The following RFX1 variants were observed in gnomAD, a reference collection of about 807,000 sequenced individuals.
The protein encoded by RFX1 is MHC class II regulatory factor RFX1.
Under a neutral mutation model 119.6 loss-of-function variants are expected in RFX1, and 42 were observed. The observed-to-expected ratio is 0.35, with a 90% CI of 0.27 to 0.45. The LOEUF (loss-of-function observed/expected upper bound fraction) is 0.45, where lower values mean the gene tolerates loss of function less well. Ranked by LOEUF, RFX1 falls within the 20% of genes least tolerant of loss-of-function variation. The pLI, the probability that RFX1 is intolerant of heterozygous loss-of-function variation, is 1.00. For missense variants in RFX1, 1,118 were observed against 1,368.1 expected (o/e 0.82, Z 2.88); for synonymous variants, 628 against 618.5 (o/e 1.02, Z -0.23).
chr19:13,978,637 C>A (rs1344432966), intron 7 of RFX1, among the ~76,000 whole-genome samples: 2 of 152,134 alleles, frequency 1.3e-5, no homozygotes, highest in African/African-American at 4.8e-5. Flanking sequence ...CCTAGACCGA[C>A]CCGTCGGGCG....
At chr19:13,964,427 T>C (rs1266610044) in intron 16 of RFX1, among the ~76,000 whole-genome samples, 1 of 148,756 alleles carries the variant, frequency 6.7e-6, no homozygotes, top group Non-Finnish European at 1.5e-5. Flanking sequence ...CAATAGATAA[T>C]ATGGAGGGCA....
At chr19:13,964,403 A>ATTTTTT (rs1362471691) in intron 16 of RFX1, among the ~76,000 whole-genome samples, 12 of 146,036 alleles carry the variant, frequency 8.2e-5, no homozygotes, top group African/African-American at 2.8e-4. Context: ...TTTTTTTTTA[A>ATTTTTT]AAACGAAAGA....
In RFX1 at chr19:13,987,662, C is replaced by A. The variant is rs1043328759; in HGVS notation, c.320-4067G>T. Among the ~76,000 whole-genome samples, 5 of 152,314 alleles carry A rather than the reference C, an allele frequency of 3.3e-5. No individual in the cohort carries two copies. The Middle Eastern group carries it at 0.01, about 311-fold the overall frequency. ...CTGCAAGGGGTGGGGGAGGGGACAG[C>A]TGGCAGGGCACAAGCCAACCTCCTC... On this transcript the variant is annotated intron_variant, in intron 2 of 20. Coordinates refer to ENST00000254325, the MANE Select transcript of RFX1 (RefSeq NM_002918.5).
chr19:14,004,995 C>T (rs995619665), intron 1 of RFX1, among the ~76,000 whole-genome samples: 8 of 152,162 alleles, frequency 5.3e-5, no homozygotes, highest in Admixed American at 5.2e-4. Context: ...ACATGTGACT[C>T]GGTTGACACT....
chr19:13,968,449 A>G lies in RFX1; in HGVS notation c.1732+116T>C. On this transcript the variant is annotated intron_variant, in intron 12 of 20. Transcript: ENST00000254325. This position sits in a 1 kb window ranked among gnomAD's most constrained non-coding sequence, Gnocchi z 5.5. ...CCCCACCCCCTGCTGGTTCTCGGGC[A>G]TCTCTCACCAAGCCCTCCCCAGCTC... The G allele has an allele frequency of 1.3e-6, 1 of 788,226 alleles. No individual in the cohort carries two copies. The highest frequency in any genetic ancestry group is 2.2e-6 in the Non-Finnish European group (1 of 454,740). 48.8% of individuals were successfully genotyped at this position (788,226 alleles called of 1,614,324 possible). A position where few individuals can be genotyped will look rare whatever the true frequency, so the allele number is the denominator to read the frequency against.
rs561687802 is a variant in RFX1, at chr19:13,977,483, C to A, written c.929+509G>T. On this transcript the variant is annotated intron_variant, in intron 8 of 20. Coordinates refer to ENST00000254325, the MANE Select transcript of RFX1 (RefSeq NM_002918.5). The stretch of plus-strand genomic sequence containing the variant: ...CCAGGCTAGAGTACAGTGGCACGAT[C>A]TCAGCTCACTGCAACCTCCGCCTCC... 1.7e-3 allele frequency among the ~76,000 whole-genome samples: 255 copies of A among 151,496 alleles called. 1 individual carries two copies. The highest frequency in any genetic ancestry group is 5.9e-3 in the African/African-American group (246 of 41,358).
Position 13,986,325 on chromosome 19 carries a change from G to A in RFX1, c.320-2730C>T, listed in dbSNP as rs1248951662. On this transcript the variant is annotated intron_variant, in intron 2 of 20. Transcript: ENST00000254325. The surrounding 1 kb of genome is among the most constrained non-coding windows in gnomAD (Gnocchi z 4.2). The stretch of plus-strand genomic sequence containing the variant: ...GGGGACCTGCTGAGACCAGGTGGCT[G>A]TCTCCAGGAAGCAGCCTTGCCCGTC... Among the ~76,000 whole-genome samples, 3 of 152,158 alleles carry A rather than the reference G, an allele frequency of 2.0e-5. No individual in the cohort carries two copies. The highest frequency in any genetic ancestry group is 7.2e-5 in the African/African-American group (3 of 41,434).
rs1052484202 is a variant in RFX1, at chr19:13,991,281, G to A, written c.319+2244C>T. ...ATAGTATAAGACAAAGGTGATGGAGGTGAAGGTGGGGCAGAGGGAGAATGG... is the reference window on the plus strand; with the variant it reads ...ATAGTATAAGACAAAGGTGATGGAGATGAAGGTGGGGCAGAGGGAGAATGG... On this transcript the variant is annotated intron_variant, in intron 2 of 20. Coordinates refer to ENST00000254325, the MANE Select transcript of RFX1 (RefSeq NM_002918.5). Among the ~76,000 whole-genome samples the A allele has an allele frequency of 4.6e-5, 7 of 152,186 alleles. 1 individual carries two copies. The highest frequency in any genetic ancestry group is 1.4e-4 in the African/African-American group (6 of 41,446).
chr19:13,999,949 TACAGGCATGAGCC>T (rs2145639722), intron 1 of RFX1, among the ~76,000 whole-genome samples: 1 of 152,240 alleles, frequency 6.6e-6, no homozygotes, highest in South Asian at 2.1e-4. Flanking sequence ...GTGCTGGGAT[TACAGGCATGAGCC>T]ACCGCGACTG....
intron 9 of RFX1, among the ~76,000 whole-genome samples, chr19:13,971,178 A>G (rs1974067017): frequency 6.6e-6 from 1 of 151,948 alleles, no homozygotes; most frequent in Admixed American, 6.6e-5. Context: ...TACTAAAAAT[A>G]CAAAAATTAG....
intron 9 of RFX1, 89 bp from the exon 10 acceptor site, chr19:13,970,264 A>C (rs1167934517): frequency 1.1e-5 from 13 of 1,204,850 alleles, no homozygotes; most frequent in Non-Finnish European, 1.5e-5. Context: ...ATCGACTTCC[A>C]GCTGGGATCC....
chr19:13,980,329 C>T lies in RFX1; in HGVS notation c.738+244G>A, dbSNP rs1172939230. On this transcript the variant is annotated intron_variant, in intron 6 of 20. Coordinates refer to ENST00000254325, the MANE Select transcript of RFX1 (RefSeq NM_002918.5). This position sits in a 1 kb window ranked among gnomAD's most constrained non-coding sequence, Gnocchi z 5.1. ...GCTTCTCCAAGCGGTTCCCATGGCCCACTACGCCCCAGTCTCCTTCCAGGA... is the reference window on the plus strand; with the variant it reads ...GCTTCTCCAAGCGGTTCCCATGGCCTACTACGCCCCAGTCTCCTTCCAGGA... Among the ~76,000 whole-genome samples, 3 of 152,210 alleles carry T rather than the reference C, an allele frequency of 2.0e-5. No homozygotes were observed. The highest frequency in any genetic ancestry group is 4.4e-5 in the Non-Finnish European group (3 of 68,026).
At chr19:13,989,553 GAC>G (rs753324899) in intron 2 of RFX1, among the ~76,000 whole-genome samples, 20 of 138,256 alleles carry the variant, frequency 1.4e-4, no homozygotes, top group Non-Finnish European at 2.3e-4. Context: ...GAGAGAGAGA[GAC>G]AGACAGACAG....
chr19:13,987,018 C>T (rs1230291529), intron 2 of RFX1, among the ~76,000 whole-genome samples: 1 of 152,160 alleles, frequency 6.6e-6, no homozygotes, highest in Non-Finnish European at 1.5e-5. Flanking sequence ...CTCAGTTTCC[C>T]CATCTGTGCT....
At chr19:13,967,730 G>A (rs1397662240) in intron 12 of RFX1, among the ~76,000 whole-genome samples, 3 of 152,002 alleles carry the variant, frequency 2.0e-5, no homozygotes, top group Non-Finnish European at 4.4e-5. Context: ...CTCCAGCCTC[G>A]GCCTCCCAAA....
At position 13,962,711 on chromosome 19, in the gene RFX1, G is replaced by C; in HGVS notation, c.2924C>G (p.Ala975Gly). Residue 975 changes from alanine (A) to glycine (G), a missense_variant, in exon 21 of 21, where the codon GCG becomes GGG. Coordinates refer to ENST00000254325, the MANE Select transcript of RFX1 (RefSeq NM_002918.5). ...GCCAAGGGCTTAGCTGGAGGGCAGC[G>C]CCTGCACGAAGAGGCCGCGCGCGTC... ...RTDARGLFVQALPSS is the reference protein window; with the variant it reads ...RTDARGLFVQGLPSS 6.5e-7 allele frequency: 1 copy of C among 1,528,178 alleles called. No homozygotes were observed. The highest frequency in any genetic ancestry group is 8.7e-7 in the Non-Finnish European group (1 of 1,143,566). 94.7% of individuals were successfully genotyped at this position (1,528,178 alleles called of 1,614,324 possible).
chr19:13,974,816 C>T (rs1286736992), intron 8 of RFX1, among the ~76,000 whole-genome samples: 10 of 151,996 alleles, frequency 6.6e-5, no homozygotes, highest in Non-Finnish European at 1.0e-4. Flanking sequence ...GAGGACGAGG[C>T]GGGTGGATCA....
intron 1 of RFX1, among the ~76,000 whole-genome samples, chr19:14,002,950 G>C (rs988713536): frequency 6.6e-5 from 10 of 152,154 alleles, no homozygotes; most frequent in African/African-American, 1.2e-4. Flanking sequence ...CTCCTGGAAG[G>C]CTTGGGACTG....
At chr19:14,005,819 C>G (rs1975351749) in intron 1 of RFX1, among the ~76,000 whole-genome samples, 1 of 151,854 alleles carries the variant, frequency 6.6e-6, no homozygotes, top group African/African-American at 2.4e-5. Context: ...CAGGCCCGCC[C>G]CTTCGCGCTC....
Sources: gnomAD v4.1 joint callset for allele counts (sites outside exome capture counted in the v4.1 genomes callset) on GRCh38, gnomAD v4.1.1 for gene constraint, Gnocchi (gnomAD v3.1) non-coding constraint, MANE v1.5 for transcripts, NCBI Gene and HGNC (gene_info 2026-07-23, HGNC 2026-07-21) for gene names.